Variants in KCTD1 observed in about 807,000 individuals in gnomAD.
The protein encoded by KCTD1 is potassium channel tetramerization domain containing 1, also known as BTB/POZ domain-containing protein KCTD1.
In KCTD1, 24 loss-of-function variants were observed where a neutral mutation model predicts 66.0. The observed-to-expected ratio is 0.36, with a 90% CI of 0.26 to 0.51. The LOEUF (loss-of-function observed/expected upper bound fraction) is 0.51. KCTD1 is among the 20% of genes least tolerant of loss of function. The pLI is 0.95. For synonymous variants in KCTD1, 511 were observed against 517.2 expected (o/e 0.99, Z 0.16); for missense variants, 943 against 1,205.2 (o/e 0.78, Z 3.22).
chr18:26,654,729 A>C (rs538797446), intron 1 of KCTD1, among the ~76,000 whole-genome samples: 16 of 152,300 alleles, frequency 1.1e-4, no homozygotes, highest in Non-Finnish European at 1.5e-5. Context: ...CTTCTTCTTA[A>C]CATAAGCCTA....
At chr18:26,608,901 C>T (rs929013790) in intron 1 of KCTD1, among the ~76,000 whole-genome samples, 3 of 152,194 alleles carry the variant, frequency 2.0e-5, no homozygotes, top group African/African-American at 7.2e-5. Flanking sequence ...ACAACAATAA[C>T]ATTTAATGCC....
chr18:26,580,580 A>G (rs1479384306), intron 1 of KCTD1, among the ~76,000 whole-genome samples: 1 of 152,148 alleles, frequency 6.6e-6, no homozygotes, highest in African/African-American at 2.4e-5. Context: ...TTGGCAATGA[A>G]GTTCCCATTG....
At chr18:26,516,820 G>A (rs1567976909) in intron 1 of KCTD1, among the ~76,000 whole-genome samples, 1 of 152,194 alleles carries the variant, frequency 6.6e-6, no homozygotes, top group Non-Finnish European at 1.5e-5. Flanking sequence ...AGTGACCTCA[G>A]TAGTGATTTG....
At chr18:26,484,711 TG>T (rs1386777376) in intron 2 of KCTD1, among the ~76,000 whole-genome samples, 3 of 152,128 alleles carry the variant, frequency 2.0e-5, no homozygotes, top group Non-Finnish European at 2.9e-5. Context: ...GGCCTTAAAC[TG>T]GGCATGATAT....
intron 1 of KCTD1, among the ~76,000 whole-genome samples, chr18:26,557,523 C>A (rs1985735298): frequency 6.6e-6 from 1 of 152,152 alleles, no homozygotes; most frequent in African/African-American, 2.4e-5. Context: ...GGAGAACTTG[C>A]TTAAAATATG....
In KCTD1 at chr18:26,540,052, G is replaced by A. The variant is rs753034628; in HGVS notation, c.1809+6676C>T. On this transcript the variant is annotated intron_variant, in intron 1 of 4. Coordinates refer to ENST00000580059, the MANE Select transcript of KCTD1 (RefSeq NM_001142730.3). ...AGTGAAAGGGCCCAAATGGGAACTG[G>A]TGCTATAAATAATTGCTTCCTTTTT... Among the ~76,000 whole-genome samples the A allele has an allele frequency of 1.4e-4, 22 of 152,150 alleles. 1 individual carries two copies. The highest frequency in any genetic ancestry group is 2.9e-4 in the Non-Finnish European group (20 of 68,038).
intron 1 of KCTD1, among the ~76,000 whole-genome samples, chr18:26,525,429 C>T (rs1984110197): frequency 1.3e-5 from 2 of 152,222 alleles, no homozygotes; most frequent in Admixed American, 6.5e-5. Flanking sequence ...TAATTCCCCA[C>T]AGCCTCCAGT....
intron 1 of KCTD1, among the ~76,000 whole-genome samples, chr18:26,595,163 T>G (rs1443393007): frequency 1.3e-5 from 2 of 152,184 alleles, no homozygotes; most frequent in Admixed American, 1.3e-4. Context: ...ATTTAGGGCT[T>G]GATGAATGAT....
chr18:26,556,929 A>G (rs1985720435), intron 1 of KCTD1, among the ~76,000 whole-genome samples: 1 of 152,210 alleles, frequency 6.6e-6, no homozygotes, highest in East Asian at 1.9e-4. Flanking sequence ...CCTTTTAAGT[A>G]CTACATACAA....
rs1985367062 is a variant in KCTD1, at chr18:26,548,333, C to T, written c.204G>A (p.Glu68=). Residue 68 remains glutamate (E), a synonymous_variant, in exon 1 of 5, where the codon GAG becomes GAA. Coordinates refer to ENST00000580059, the MANE Select transcript of KCTD1 (RefSeq NM_001142730.3). The part of the protein sequence containing the change: ...EEEEEEDEIQ[E]VQITGDEEEE... ...CCTCCTCGTCCCCCGTTATCTGCAC[C>T]TCCTGGATCTCGTCCTCCTCCTCCT... is the stretch of plus-strand genomic sequence containing the variant. The T allele has an allele frequency of 4.7e-6, 7 of 1,494,230 alleles. No homozygotes were observed. The highest frequency in any genetic ancestry group is 6.2e-6 in the Non-Finnish European group (7 of 1,124,002). The allele number at this position is 1,494,230 out of a possible 1,614,324, so 92.6% of individuals were successfully genotyped here. A position where few individuals can be genotyped will look rare whatever the true frequency, so the allele number is the denominator to read the frequency against.
chr18:26,618,079 A>C (rs1987296867), intron 1 of KCTD1, among the ~76,000 whole-genome samples: 1 of 151,818 alleles, frequency 6.6e-6, no homozygotes, highest in Non-Finnish European at 1.5e-5. Context: ...AACTTGGGTA[A>C]ATAAGAAGAC....
intron 1 of KCTD1, among the ~76,000 whole-genome samples, chr18:26,623,632 T>G (rs1318238202): frequency 6.6e-6 from 1 of 152,216 alleles, no homozygotes; most frequent in Non-Finnish European, 1.5e-5. Context: ...GTGAGTCAAT[T>G]AAACCTCTTT....
At chr18:26,473,027 A>G (rs547972842) in intron 3 of KCTD1, among the ~76,000 whole-genome samples, 1 of 152,284 alleles carries the variant, frequency 6.6e-6, no homozygotes, top group African/African-American at 2.4e-5. Flanking sequence ...GGGCCTGCAG[A>G]GTGTTGTCTA....
Position 26,455,693 on chromosome 18 carries a change from T to G in KCTD1, c.*50A>C. The G allele has an allele frequency of 1.2e-6, 2 of 1,609,094 alleles. No individual in the cohort carries two copies. Among genetic ancestry groups the G allele is most frequent in the Non-Finnish European group, 1.7e-6 (2 of 1,177,826 alleles). On this transcript the variant is annotated 3_prime_UTR_variant, in exon 5 of 5. Coordinates refer to ENST00000580059, the MANE Select transcript of KCTD1 (RefSeq NM_001142730.3). Reference sequence around the variant, plus strand: ...TGCACATAAATGTCCCTTTTTTGTTTGAGTTATTGGTTGTGTGTGTTTTCC... The same window carrying G: ...TGCACATAAATGTCCCTTTTTTGTTGGAGTTATTGGTTGTGTGTGTTTTCC...
At position 26,548,179 on chromosome 18, in the gene KCTD1, C is replaced by A. The variant is rs1985349817; in HGVS notation, c.358G>T (p.Val120Phe). 6.7e-7 allele frequency: 1 copy of A among 1,494,422 alleles called. No individual in the cohort carries two copies. The highest frequency in any genetic ancestry group is 8.9e-7 in the Non-Finnish European group (1 of 1,124,826). The allele number at this position is 1,494,422 out of a possible 1,614,324, so 92.6% of individuals were successfully genotyped here. A position where few individuals can be genotyped will look rare whatever the true frequency, so the allele number is the denominator to read the frequency against. ...CTCTGGTCCATATTGATCATATGGACCGGCTCGGGCTCCAGCTCCTCCCCG... is the reference window on the plus strand; with the variant it reads ...CTCTGGTCCATATTGATCATATGGAACGGCTCGGGCTCCAGCTCCTCCCCG... ...SAGEELEPEP[V>F]HMINMDQSAA... Residue 120 changes from valine (V) to phenylalanine (F), a missense_variant, in exon 1 of 5, where the codon GTC (valine) becomes TTC (phenylalanine). By Grantham distance (50) the Val-to-Phe change is conservative. This residue lies in a region of KCTD1 where 236 missense variants were observed against 206.6 expected (regional missense o/e 1.14). Transcript: ENST00000580059.
chr18:26,656,161 C>G (rs1348989896), intron 1 of KCTD1, among the ~76,000 whole-genome samples: 1 of 152,140 alleles, frequency 6.6e-6, no homozygotes, highest in Non-Finnish European at 1.5e-5. Flanking sequence ...CAGAGGCGGC[C>G]GGGAAACTGT....
intron 1 of KCTD1, among the ~76,000 whole-genome samples, chr18:26,569,709 G>A (rs1210810058): frequency 3.9e-5 from 6 of 152,082 alleles, no homozygotes; most frequent in African/African-American, 7.2e-5. Context: ...AGCTCACCTC[G>A]GGTTATGAAA....
chr18:26,613,117 C>T (rs1987172515), intron 1 of KCTD1, among the ~76,000 whole-genome samples: 1 of 152,168 alleles, frequency 6.6e-6, no homozygotes, highest in Non-Finnish European at 1.5e-5. Flanking sequence ...GACAGGAGTG[C>T]AATACGTATC....
intron 1 of KCTD1, among the ~76,000 whole-genome samples, chr18:26,621,289 T>G (rs936418424): frequency 6.6e-6 from 1 of 152,098 alleles, no homozygotes; most frequent in Non-Finnish European, 1.5e-5. Flanking sequence ...TCCCCTAACC[T>G]CTTGTGCTTC....
Sources: gnomAD v4.1 joint callset for allele counts (sites outside exome capture counted in the v4.1 genomes callset) on GRCh38, gnomAD v4.1.1 for gene constraint, gnomAD v4.1.1 regional missense constraint, MANE v1.5 for transcripts, NCBI Gene and HGNC (gene_info 2026-07-23, HGNC 2026-07-21) for gene names.